C12orf50: variants seen among roughly 807,000 people sequenced by gnomAD.
The protein encoded by C12orf50 is zinc finger CCCH-type containing 11D.
Under a neutral mutation model 61.6 loss-of-function variants are expected in C12orf50, and 35 were observed. The ratio of observed to expected loss-of-function variants is 0.57; its 90% CI spans 0.43 to 0.75. The LOEUF (loss-of-function observed/expected upper bound fraction) is 0.75. C12orf50 is among the 30% of genes least tolerant of loss of function. The probability of loss-of-function intolerance (pLI) is 0.00; values close to 1 mark genes in which losing one functional copy is unlikely to be tolerated. For missense variants in C12orf50, 475 were observed against 488.5 expected (o/e 0.97, Z 0.26); for synonymous variants, 178 against 161.5 (o/e 1.10, Z -0.77).
In C12orf50 at chr12:88,026,555, C is replaced by G. The variant is rs535059293; in HGVS notation, c.66G>C (p.Lys22Asn). ...TGCTGTGATAAAAGATACAGCTGATCTTCACACAACCAAGAGGCTGAGTTT... is the reference window on the plus strand; with the variant it reads ...TGCTGTGATAAAAGATACAGCTGATGTTCACACAACCAAGAGGCTGAGTTT... ...FWETQPLGCVKISCIFYHSKP... is the reference protein window; with the variant it reads ...FWETQPLGCVNISCIFYHSKP... Residue 22 changes from lysine (K) to asparagine (N), a missense_variant, in exon 3 of 13, where the codon AAG becomes AAC. Coordinates refer to ENST00000298699, the MANE Select transcript of C12orf50 (RefSeq NM_152589.3). 6.2e-7 allele frequency: 1 copy of G among 1,613,858 alleles called. No individual in the cohort carries two copies. The highest frequency in any genetic ancestry group is 1.1e-5 in the South Asian group (1 of 91,074).
chr12:87,983,115 T>G lies in C12orf50; in HGVS notation c.1207A>C (p.Lys403Gln). The change falls in exon 12 of 13, where the codon AAG becomes CAG. Residue 403 changes from lysine (K) to glutamine (Q), a missense_variant. Transcript: ENST00000298699. ...PFSKTYSKSE[K>Q]IYPEPRRNGS... is the part of the protein sequence containing the mutation. Reference sequence around the variant, plus strand: ...TATAAATAGTTACCTGGATATATCTTTTCACTTTTTGAATATGTTTTTGAA... The same window carrying G: ...TATAAATAGTTACCTGGATATATCTGTTCACTTTTTGAATATGTTTTTGAA... The G allele has an allele frequency of 1.9e-6, 3 of 1,582,370 alleles. No individual in the cohort carries two copies. The highest frequency in any genetic ancestry group is 2.6e-6 in the Non-Finnish European group (3 of 1,153,916).
intron 3 of C12orf50, among the ~76,000 whole-genome samples, chr12:87,998,992 T>A (rs2031540104): frequency 6.6e-6 from 1 of 151,818 alleles, no homozygotes; most frequent in African/African-American, 2.4e-5. Flanking sequence ...ATGAAAGATC[T>A]GACACTATAA....
intron 1 of C12orf50, chr12:88,029,058 A>T (rs1317899987): frequency 1.6e-6 from 2 of 1,266,380 alleles, no homozygotes; most frequent in East Asian, 1.1e-4. Flanking sequence ...TCAATTGTAC[A>T]ATATTTACCT....
chr12:87,996,648 T>A lies in C12orf50; in HGVS notation c.290-2A>T. ...TCTTTGTCCATAAACTAGAAGCATC[T>A]ATAGGATATAGATTTTTTAAATTAA... On this transcript the variant is annotated splice_acceptor_variant, in intron 4 of 12. Transcript: ENST00000298699. LOFTEE classifies it high-confidence loss of function. The A allele has an allele frequency of 6.3e-7, 1 of 1,590,842 alleles. No individual in the cohort carries two copies. Among genetic ancestry groups the A allele is most frequent in the Non-Finnish European group, 8.6e-7 (1 of 1,163,442 alleles).
intron 3 of C12orf50, among the ~76,000 whole-genome samples, chr12:88,010,007 C>G (rs565621398): frequency 6.6e-6 from 1 of 151,936 alleles, no homozygotes; most frequent in Non-Finnish European, 1.5e-5. Flanking sequence ...GAGAGAAGTC[C>G]ATTTTTCCCT....
chr12:87,999,281 C>G (rs942230465), intron 3 of C12orf50, among the ~76,000 whole-genome samples: 15 of 151,990 alleles, frequency 9.9e-5, no homozygotes, highest in Admixed American at 9.2e-4. Context: ...AAAAATTAGC[C>G]AAGTGTGATG....
At chr12:88,014,542 G>T (rs895718463) in intron 3 of C12orf50, among the ~76,000 whole-genome samples, 1 of 152,014 alleles carries the variant, frequency 6.6e-6, no homozygotes, top group Non-Finnish European at 1.5e-5. Flanking sequence ...CTCATGATCC[G>T]CCCGCCTCGG....
intron 2 of C12orf50, 30 bp from the exon 3 acceptor site, chr12:88,026,638 A>G: frequency 6.2e-7 from 1 of 1,607,892 alleles, no homozygotes; most frequent in East Asian, 2.2e-5. Context: ...GGGAAATGTA[A>G]TGATTAGATG....
chr12:88,008,441 A>G (rs1452883727), intron 3 of C12orf50, among the ~76,000 whole-genome samples: 1 of 152,068 alleles, frequency 6.6e-6, no homozygotes, highest in East Asian at 1.9e-4. Flanking sequence ...TATATGTATT[A>G]ATACCACATT....
rs369648112 is a variant in C12orf50, at chr12:87,987,865, C to G, written c.802G>C (p.Glu268Gln). ...ATENISMKCR[E>Q]DPSSMNDVQP... Reference sequence around the variant, plus strand: ...AATGTCTCACTTGAAGAGGGGTCCTCTCTGCACTTCATACTGATATTCTCA... The same window carrying G: ...AATGTCTCACTTGAAGAGGGGTCCTGTCTGCACTTCATACTGATATTCTCA... The change falls in exon 9 of 13, where the codon GAG (glutamate) becomes CAG (glutamine). Residue 268 changes from glutamate (E) to glutamine (Q), a missense_variant. Transcript: ENST00000298699. 3.1e-6 allele frequency: 5 copies of G among 1,603,726 alleles called. No homozygotes were observed. The highest frequency in any genetic ancestry group is 4.3e-6 in the Non-Finnish European group (5 of 1,172,190).
intron 12 of C12orf50, among the ~76,000 whole-genome samples, chr12:87,982,235 T>C (rs1040780296): frequency 1.3e-5 from 2 of 152,094 alleles, no homozygotes; most frequent in African/African-American, 4.8e-5. Flanking sequence ...TTCAGTGCTA[T>C]CACATGTGAA....
chr12:88,027,549 A>C (rs2032752929), intron 1 of C12orf50, among the ~76,000 whole-genome samples: 1 of 152,206 alleles, frequency 6.6e-6, no homozygotes, highest in Non-Finnish European at 1.5e-5. Flanking sequence ...GTTTTTATGG[A>C]GCTTAAAATT....
chr12:87,988,430 C>T (rs2030950987), intron 8 of C12orf50, among the ~76,000 whole-genome samples: 1 of 152,236 alleles, frequency 6.6e-6, no homozygotes, highest in East Asian at 1.9e-4. Flanking sequence ...CCTCCTGTGA[C>T]TATTGAGCGC....
chr12:88,014,075 TA>T (rs1050572645), intron 3 of C12orf50, among the ~76,000 whole-genome samples: 22 of 152,298 alleles, frequency 1.4e-4, no homozygotes, highest in African/African-American at 5.3e-4. Context: ...TATCTCACTC[TA>T]ATACTGTAAA....
At chr12:88,021,176 C>A (rs924562701) in intron 3 of C12orf50, among the ~76,000 whole-genome samples, 5 of 151,514 alleles carry the variant, frequency 3.3e-5, no homozygotes, top group African/African-American at 4.9e-5. Flanking sequence ...AAGAAATTAC[C>A]AAAATTAGGG....
chr12:87,988,170 C>A (rs76203686), intron 8 of C12orf50, among the ~76,000 whole-genome samples: 3,363 of 152,090 alleles, frequency 0.022, 131 homozygotes, highest in African/African-American at 0.076. Context: ...AAACAAAACT[C>A]GGAAACTATA....
chr12:87,997,914 G>T, intron 4 of C12orf50, 121 bp downstream of exon 4: 1 of 692,676 alleles, frequency 1.4e-6, no homozygotes, highest in Non-Finnish European at 2.3e-6. Context: ...TACAATTATA[G>T]TTATTTTCTC....
chr12:87,989,245 A>G lies in C12orf50; in HGVS notation c.700+19T>C. 1 of 1,528,696 alleles carries G rather than the reference A, an allele frequency of 6.5e-7. No homozygotes were observed. The highest frequency in any genetic ancestry group is 9.0e-7 in the Non-Finnish European group (1 of 1,116,064). The allele number at this position is 1,528,696 out of a possible 1,614,324, so 94.7% of individuals were successfully genotyped here. A position where few individuals can be genotyped will look rare whatever the true frequency, so the allele number is the denominator to read the frequency against. On this transcript the variant is annotated intron_variant, in intron 8 of 12. Coordinates refer to ENST00000298699, the MANE Select transcript of C12orf50 (RefSeq NM_152589.3). ...CTAGCCAAATTACAAATGAATCAAAATTATATAATATTCATTACCTTTAGT... is the reference window on the plus strand; with the variant it reads ...CTAGCCAAATTACAAATGAATCAAAGTTATATAATATTCATTACCTTTAGT...
intron 3 of C12orf50, among the ~76,000 whole-genome samples, chr12:88,005,145 T>G (rs2031808207): frequency 6.6e-6 from 1 of 152,246 alleles, no homozygotes; most frequent in African/African-American, 2.4e-5. Context: ...TTTCTGTTTC[T>G]TTGCATGTCT....
Sources: gnomAD v4.1 joint callset for allele counts (sites outside exome capture counted in the v4.1 genomes callset) on GRCh38, gnomAD v4.1.1 for gene constraint, MANE v1.5 for transcripts, NCBI Gene and HGNC (gene_info 2026-07-23, HGNC 2026-07-21) for gene names.